Variants in ABCA7 observed in about 807,000 individuals in gnomAD.
ABCA7 encodes the protein ATP binding cassette subfamily A member 7.
A neutral mutation model predicts 227.6 loss-of-function variants in ABCA7; 261 were observed. The ratio of observed to expected loss-of-function variants is 1.15; its 90% CI spans 1.04 to 1.27. ABCA7 has a LOEUF of 1.27. Among genes scored for constraint, ABCA7 ranks in the 50% most tolerant of loss-of-function variants. The pLI, the probability that ABCA7 is intolerant of heterozygous loss-of-function variation, is 0.00. For synonymous variants in ABCA7, 1,488 were observed against 1,279.7 expected (o/e 1.16, Z -3.47); for missense variants, 3,331 against 2,924.5 (o/e 1.14, Z -3.21).
rs996178952 is a variant in ABCA7, at chr19:1,047,951, G to T, written c.2269+297G>T. Among the ~76,000 whole-genome samples, 3 of 152,324 alleles carry T rather than the reference G, an allele frequency of 2.0e-5. No homozygotes were observed. In the South Asian group the frequency reaches 6.2e-4, roughly 32 times the overall value. On this transcript the variant is annotated intron_variant, in intron 16 of 46. Transcript: ENST00000263094. ...CGCTTGTAATCCCAGCACTTTGGGA[G>T]GCCAAGGCAGGAGAATCGCTTGAGC... is the stretch of plus-strand genomic sequence containing the variant.
chr19:1,063,892 T>G, intron 44 of ABCA7, 29 bp downstream of exon 44: 1 of 1,503,478 alleles, frequency 6.7e-7, no homozygotes, highest in Non-Finnish European at 8.9e-7. Context: ...CCCTGGGCTG[T>G]GGTTAAGGTG....
intron 40 of ABCA7, among the ~76,000 whole-genome samples, chr19:1,060,207 A>ATATATATATATATATATATATATTTTT: frequency 2.1e-5 from 2 of 96,768 alleles, no homozygotes; most frequent in African/African-American, 7.0e-5. Context: ...ATATATATAT[A>ATATATATATATATATATATATATTTTT]TTTTTTTTTC....
chr19:1,062,294 C>G lies in ABCA7; in HGVS notation c.5693C>G (p.Pro1898Arg), dbSNP rs144378856. The G allele has an allele frequency of 4.5e-5, 73 of 1,606,610 alleles. No individual in the cohort carries two copies. In the South Asian group the frequency reaches 7.4e-4, roughly 16 times the overall value. The change falls in exon 42 of 47, where the codon CCG becomes CGG. Residue 1898 changes from proline (P) to arginine (R), a missense_variant. Transcript: ENST00000263094. ...CTGCTTGCGCGCCTGCGCGGTGTCCCGGAGGCCCAGGTTGCCCAGGTGAGC... is the reference window on the plus strand; with the variant it reads ...CTGCTTGCGCGCCTGCGCGGTGTCCGGGAGGCCCAGGTTGCCCAGGTGAGC... Reference protein sequence around the residue: ...LELLARLRGVPEAQVAQTAGS... With the variant: ...LELLARLRGVREAQVAQTAGS...
chr19:1,042,553 C>G, intron 6 of ABCA7, 156 bp downstream of exon 6: 1 of 1,076,692 alleles, frequency 9.3e-7, no homozygotes, highest in South Asian at 1.3e-5. Context: ...GGCCCCCAGA[C>G]AGAGTGTGTC....
At position 1,053,769 on chromosome 19, in the gene ABCA7, C is replaced by T. The variant is rs1223855058; in HGVS notation, c.3424-19C>T. ...TCCCTGTCGGTGTCCAGTCTCTGAG[C>T]CCCTGCTTGTCTCCCCAGATCTTCC... On this transcript the variant is annotated intron_variant, in intron 24 of 46. Coordinates refer to ENST00000263094, the MANE Select transcript of ABCA7 (RefSeq NM_019112.4). 5.0e-6 allele frequency: 8 copies of T among 1,607,500 alleles called. No individual in the cohort carries two copies. The highest frequency in any genetic ancestry group is 1.1e-5 in the South Asian group (1 of 90,384).
chr19:1,062,413 C>A, intron 42 of ABCA7, 100 bp downstream of exon 42: 1 of 1,525,906 alleles, frequency 6.6e-7, no homozygotes, highest in Non-Finnish European at 8.8e-7. Flanking sequence ...CTCGCCTTGG[C>A]TCCATCCCTG....
chr19:1,050,177 G>T (rs937242628), intron 18 of ABCA7, among the ~76,000 whole-genome samples: 1 of 151,554 alleles, frequency 6.6e-6, no homozygotes, highest in Non-Finnish European at 1.5e-5. Context: ...TGGGCAAGCC[G>T]AGGTGGGAGG....
At chr19:1,061,699 CAAAA>C (rs397859882) in intron 40 of ABCA7, 79 bp from the exon 41 acceptor site, 570 of 1,053,204 alleles carry the variant, frequency 5.4e-4, no homozygotes, top group Middle Eastern at 7.5e-4. Flanking sequence ...AACTTGGTCT[CAAAA>C]AAAAAAAAAA....
rs778129532 is a variant in ABCA7 at position 1,047,486 on chromosome 19, T to C, written c.2101T>C (p.Cys701Arg). 6 of 1,570,128 alleles carry C rather than the reference T, an allele frequency of 3.8e-6. No individual in the cohort carries two copies. In the Admixed American group the frequency reaches 1.1e-4, roughly 28 times the overall value. The change falls in exon 16 of 47, where the codon TGC becomes CGC. Residue 701 changes from cysteine to arginine, a missense_variant. By Grantham distance (180) the Cys-to-Arg change is radical (BLOSUM62 -3). Transcript: ENST00000263094. ...LLSPVAFGFG[C>R]ESLALLEEQG... ...GTCGCCCGTGGCCTTCGGCTTCGGC[T>C]GCGAGAGCCTGGCTCTGCTGGAGGA...
intron 13 of ABCA7, 149 bp downstream of exon 13, chr19:1,046,555 G>T: frequency 8.1e-7 from 1 of 1,234,186 alleles, no homozygotes; most frequent in South Asian, 1.5e-5. Flanking sequence ...TGCAGCGGGA[G>T]GAGCAGGGGA....
chr19:1,046,617 G>T (rs1362265405), intron 13 of ABCA7, among the ~76,000 whole-genome samples, 185 bp from the exon 14 acceptor site: 1 of 152,096 alleles, frequency 6.6e-6, no homozygotes, highest in East Asian at 1.9e-4. Flanking sequence ...GGCCCCCGGC[G>T]CAGGGACAGC....
rs771761461 is a variant in ABCA7, at chr19:1,065,216, C to CCA, written c.6285+46_6285+47dup. On this transcript the variant is annotated intron_variant, in intron 46 of 46. Transcript: ENST00000263094. Reference sequence around the variant, plus strand: ...CGGGCTGGGGGAGGCAGGCTGGGGGCCAGGCCCGTGGGCTGACCGTCCCTC... The same window carrying CCA: ...CGGGCTGGGGGAGGCAGGCTGGGGGCCACAGGCCCGTGGGCTGACCGTCCCTC... 28 of 1,602,860 alleles carry CCA rather than the reference C, an allele frequency of 1.7e-5. No homozygotes were observed. The African/African-American group carries it at 3.6e-4, about 21-fold the overall frequency.
chr19:1,063,021 C>A (rs568493867), intron 42 of ABCA7, among the ~76,000 whole-genome samples: 32 of 136,240 alleles, frequency 2.3e-4, no homozygotes, highest in Non-Finnish European at 4.0e-4. Flanking sequence ...TCCACCCACA[C>A]CATGGCCCCA....
rs1476407186 is a variant in ABCA7, at chr19:1,042,084, A to G, written c.323A>G (p.Asp108Gly). The G allele has an allele frequency of 6.3e-7, 1 of 1,596,362 alleles. No homozygotes were observed. Among genetic ancestry groups the G allele is most frequent in the East Asian group, 2.2e-5 (1 of 44,588 alleles). Residue 108 changes from aspartate (D) to glycine (G), a missense_variant, in exon 5 of 47, where the codon GAT (aspartate) becomes GGT (glycine). Asp to Gly is a moderately conservative substitution (Grantham distance 94). Coordinates refer to ENST00000263094, the MANE Select transcript of ABCA7 (RefSeq NM_019112.4). ...CCCAGGGTCTCCCGGCTGCTAGCCG[A>G]TGCCCGCACTGTGCTGGGAGGGGCC... ...NDSLVSRLLA[D>G]ARTVLGGASA...
Position 1,059,010 on chromosome 19 carries a change from T to G in ABCA7, c.5401-13T>G. 1 of 1,613,890 alleles carries G rather than the reference T, an allele frequency of 6.2e-7. No individual in the cohort carries two copies. Among genetic ancestry groups the G allele is most frequent in the East Asian group, 2.2e-5 (1 of 44,862 alleles). ...GGCCCACTCACCTTTCTGAAAGACC[T>G]GCACTCTCCCAGGTATACCGTGGGC... On this transcript the variant is annotated splice_polypyrimidine_tract_variant and intron_variant, in intron 39 of 46. Coordinates refer to ENST00000263094, the MANE Select transcript of ABCA7 (RefSeq NM_019112.4).
chr19:1,061,137 CTGTA>C (rs2042624636), intron 40 of ABCA7, among the ~76,000 whole-genome samples: 1 of 152,114 alleles, frequency 6.6e-6, no homozygotes, highest in South Asian at 2.1e-4. Context: ...TGGCTCACAG[CTGTA>C]ACCCCAGCAC....
In ABCA7 at chr19:1,045,249, GC is replaced by G; in HGVS notation, c.1445+19del. On this transcript the variant is annotated intron_variant, in intron 12 of 46. Transcript: ENST00000263094. ...AGGGACAGGTCAGGCGAGGGAGGGG[GC>G]GGGGGGATGAGGGACTGGGCGGGGC... 1 of 1,592,642 alleles carries G rather than the reference GC, an allele frequency of 6.3e-7. No individual in the cohort carries two copies. The highest frequency in any genetic ancestry group is 8.6e-7 in the Non-Finnish European group (1 of 1,166,508).
rs780368480 is a variant in ABCA7 at position 1,044,767 on chromosome 19, G to A, written c.1215+23G>A. On this transcript the variant is annotated intron_variant, in intron 11 of 46. Coordinates refer to ENST00000263094, the MANE Select transcript of ABCA7 (RefSeq NM_019112.4). The stretch of plus-strand genomic sequence containing the variant: ...GAGGTGAGGGCCTGTCCACCTGCGG[G>A]GTCTGTTTCAGTGGGGAGGGCAGGT... 1.9e-5 allele frequency: 30 copies of A among 1,576,518 alleles called. No homozygotes were observed. The Admixed American group carries it at 2.4e-4, about 13-fold the overall frequency.
At chr19:1,064,644 T>C in intron 45 of ABCA7, 1 of 515,590 alleles carries the variant, frequency 1.9e-6, no homozygotes, top group South Asian at 2.8e-5. Flanking sequence ...GAAAGAGGAG[T>C]GTCCGAAAAA....
Sources: allele counts gnomAD v4.1 joint callset (sites outside exome capture counted in the v4.1 genomes callset), GRCh38; gene constraint gnomAD v4.1.1; transcripts MANE v1.5; gene names NCBI Gene and HGNC (gene_info 2026-07-23, HGNC 2026-07-21).